PIWIL4: variants seen among roughly 807,000 people sequenced by gnomAD.
PIWIL4 encodes the protein piwi-like protein 4.
A neutral mutation model predicts 100.9 loss-of-function variants in PIWIL4; 50 were observed. The observed-to-expected ratio is 0.50, with a 90% CI of 0.39 to 0.63. The LOEUF (loss-of-function observed/expected upper bound fraction) is 0.63. Among genes scored for constraint, PIWIL4 ranks in the 20% least tolerant of loss-of-function variants. The probability of loss-of-function intolerance (pLI) is 0.00; values close to 1 mark genes in which losing one functional copy is unlikely to be tolerated. For missense variants in PIWIL4, 887 were observed against 1,043.3 expected, an observed-to-expected ratio of 0.85 and a Z score of 2.06; for synonymous variants, 342 against 367.5, an observed-to-expected ratio of 0.93 and a Z score of 0.79.
At position 94,601,980 on chromosome 11, in the gene PIWIL4, G is replaced by A. The variant is rs766734615; in HGVS notation, c.1565+1G>A. On this transcript the variant is annotated splice_donor_variant, in intron 12 of 19. Transcript: ENST00000299001. LOFTEE classifies it high-confidence loss of function. The stretch of plus-strand genomic sequence containing the variant: ...GATTTAATGTGGACTACCCCAAAAT[G>A]TGAGAATACATTGAATTTTGTTCAT... 1 of 1,598,854 alleles carries A rather than the reference G, an allele frequency of 6.3e-7. No homozygotes were observed. Among genetic ancestry groups the A allele is most frequent in the South Asian group, 1.1e-5 (1 of 88,144 alleles).
At chr11:94,575,242 C>G (rs1256975137) in intron 3 of PIWIL4, 112 bp downstream of exon 3, 7 of 1,127,762 alleles carry the variant, frequency 6.2e-6, no homozygotes, top group Non-Finnish European at 8.9e-6. Context: ...CAGATATTTA[C>G]TGATTGTCTT....
intron 15 of PIWIL4, among the ~76,000 whole-genome samples, chr11:94,615,381 T>C (rs1948834282): frequency 6.6e-6 from 1 of 152,176 alleles, no homozygotes; most frequent in Non-Finnish European, 1.5e-5. Context: ...GCAGGTAAAG[T>C]GAATCTCTTT....
In PIWIL4 at chr11:94,567,625, C is replaced by A. The variant is rs767224317; in HGVS notation, c.87+20C>A. On this transcript the variant is annotated intron_variant, in intron 1 of 19. Transcript: ENST00000299001. ...CCATTGGTGTGTAGAATGCTTATTG[C>A]GCATGGTTTCGTTTTCTCCTACCTC... The A allele has an allele frequency of 2.5e-6, 4 of 1,568,792 alleles. No homozygotes were observed. The highest frequency in any genetic ancestry group is 2.6e-6 in the Non-Finnish European group (3 of 1,153,376).
chr11:94,606,022 GA>G (rs1321917075), intron 13 of PIWIL4, among the ~76,000 whole-genome samples: 7 of 152,196 alleles, frequency 4.6e-5, no homozygotes, highest in Non-Finnish European at 7.3e-5. Context: ...TTTTAGCAGA[GA>G]ATAGTATTTA....
intron 13 of PIWIL4, among the ~76,000 whole-genome samples, chr11:94,605,389 T>C (rs1948702268): frequency 6.6e-6 from 1 of 152,222 alleles, no homozygotes; most frequent in South Asian, 2.1e-4. Flanking sequence ...TGTCTCCTCA[T>C]GATTAAATTC....
At chr11:94,613,800 C>T (rs946123458) in intron 15 of PIWIL4, among the ~76,000 whole-genome samples, 2 of 152,178 alleles carry the variant, frequency 1.3e-5, no homozygotes, top group Admixed American at 1.3e-4. Context: ...GTCTCACACT[C>T]ACCCAGGGCT....
intron 4 of PIWIL4, among the ~76,000 whole-genome samples, chr11:94,579,928 G>A (rs543566623): frequency 1.2e-4 from 18 of 152,256 alleles, no homozygotes; most frequent in South Asian, 4.1e-4. Flanking sequence ...ATTTAGATAC[G>A]TTGAAATTAT....
chr11:94,616,930 G>A (rs1293076881), intron 16 of PIWIL4, among the ~76,000 whole-genome samples: 1 of 152,160 alleles, frequency 6.6e-6, no homozygotes, highest in Admixed American at 6.5e-5. Context: ...TAGGATAGGG[G>A]TGCTAACAGA....
At chr11:94,568,887 G>GT in intron 2 of PIWIL4, 79 bp downstream of exon 2, 1 of 1,239,512 alleles carries the variant, frequency 8.1e-7, no homozygotes, top group Non-Finnish European at 1.2e-6. Flanking sequence ...CCTTACAGCA[G>GT]TAGGCCCACC....
chr11:94,577,248 A>T, intron 3 of PIWIL4, 30 bp from the exon 4 acceptor site: 3 of 1,515,694 alleles, frequency 2.0e-6, no homozygotes, highest in Non-Finnish European at 1.8e-6. Context: ...TTTCCTGATT[A>T]AAAAATTGTT....
intron 16 of PIWIL4, among the ~76,000 whole-genome samples, chr11:94,617,457 A>G (rs1248179123): frequency 6.6e-6 from 1 of 152,108 alleles, no homozygotes; most frequent in Non-Finnish European, 1.5e-5. Flanking sequence ...ATGTTTTCAG[A>G]GTTCATTCCC....
chr11:94,604,393 T>C lies in PIWIL4; in HGVS notation c.1638+337T>C, dbSNP rs551573956. Among the ~76,000 whole-genome samples the C allele has an allele frequency of 2.0e-5, 3 of 152,294 alleles. No individual in the cohort carries two copies. In the East Asian group the frequency reaches 5.8e-4, roughly 29 times the overall value. On this transcript the variant is annotated intron_variant, in intron 13 of 19. Transcript: ENST00000299001. ...TGTTGGTATCCAGTGTTCCCTATAT[T>C]TCAGGGGATTCTTGGAGGGTTAGGT...
At chr11:94,570,581 T>C (rs940433181) in intron 2 of PIWIL4, among the ~76,000 whole-genome samples, 1 of 152,058 alleles carries the variant, frequency 6.6e-6, no homozygotes, top group African/African-American at 2.4e-5. Context: ...CAGTGTAGCC[T>C]GTGACCCTGA....
intron 13 of PIWIL4, among the ~76,000 whole-genome samples, chr11:94,606,917 TA>T (rs1437621819): frequency 5.3e-5 from 8 of 151,920 alleles, no homozygotes; most frequent in Admixed American, 5.2e-4. Context: ...AGCTTTTTTT[TA>T]AAAAAGTGTA....
intron 15 of PIWIL4, among the ~76,000 whole-genome samples, chr11:94,612,562 GACTC>G (rs1948799322): frequency 6.6e-6 from 1 of 152,226 alleles, no homozygotes; most frequent in Non-Finnish European, 1.5e-5. Flanking sequence ...GATAAGTGAT[GACTC>G]ACTATTGTGA....
rs773786275 is a variant in PIWIL4 at position 94,583,449 on chromosome 11, T to C, written c.515T>C (p.Val172Ala). The change falls in exon 5 of 20, where the codon GTC (valine) becomes GCC (alanine). Residue 172 changes from valine (V) to alanine (A), a missense_variant and splice_region_variant. This residue lies in a region of PIWIL4 where 741 missense variants were observed against 930.0 expected (regional missense o/e 0.80). Coordinates refer to ENST00000299001, the MANE Select transcript of PIWIL4 (RefSeq NM_152431.3). The stretch of plus-strand genomic sequence containing the variant: ...ATATTAAGTACCTCTTTTTCCCAGG[T>C]CACAGAGTTGTCAAGTGAAACTCAA... ...LFLSQKLEEK[V>A]TELSSETQRG... The C allele has an allele frequency of 6.2e-7, 1 of 1,613,620 alleles. No homozygotes were observed. Among genetic ancestry groups the C allele is most frequent in the Non-Finnish European group, 8.5e-7 (1 of 1,179,586 alleles).
Position 94,597,875 on chromosome 11 carries a change from G to A in PIWIL4, c.1340G>A (p.Arg447Gln), listed in dbSNP as rs1209206049. The A allele has an allele frequency of 8.1e-6, 13 of 1,613,732 alleles. No individual in the cohort carries two copies. Among genetic ancestry groups the A allele is most frequent in the Middle Eastern group, 1.6e-4 (1 of 6,082 alleles). The part of the protein sequence containing the change: ...HFGSQISLTG[R>Q]IVPSEKILMQ... ...GGAAGCCAGATATCTCTGACTGGCC[G>A]GATTGTGCCTTCAGAAAAAATATTA... Residue 447 changes from arginine to glutamine, a missense_variant, in exon 11 of 20, where the codon CGG becomes CAG. Arg to Gln is a conservative substitution (Grantham distance 43, BLOSUM62 1). Transcript: ENST00000299001.
Position 94,589,949 on chromosome 11 carries a change from T to C in PIWIL4, c.1026+717T>C, listed in dbSNP as rs184130311. 1.0e-3 allele frequency among the ~76,000 whole-genome samples: 152 copies of C among 152,342 alleles called. 2 individuals carry two copies. Among genetic ancestry groups the C allele is most frequent in the South Asian group, 2.9e-3 (14 of 4,826 alleles). ...CTCAAGAAACTATTGATGGAATCTG[T>C]TGCTGCCTCTAGAAGCTCTAGCCGC... On this transcript the variant is annotated intron_variant, in intron 8 of 19. Coordinates refer to ENST00000299001, the MANE Select transcript of PIWIL4 (RefSeq NM_152431.3).
chr11:94,609,209 A>G (rs1948761336), intron 15 of PIWIL4, among the ~76,000 whole-genome samples: 1 of 152,220 alleles, frequency 6.6e-6, no homozygotes, highest in Admixed American at 6.5e-5. Context: ...TGCATTGAAC[A>G]TCTCCACCCA....
Sources: gnomAD v4.1 joint callset for allele counts (sites outside exome capture counted in the v4.1 genomes callset) on GRCh38, gnomAD v4.1.1 for gene constraint, gnomAD v4.1.1 regional missense constraint, MANE v1.5 for transcripts, NCBI Gene and HGNC (gene_info 2026-07-23, HGNC 2026-07-21) for gene names.